Variants in KCNQ5 observed in about 807,000 individuals in gnomAD.
KCNQ5 encodes potassium voltage-gated channel subfamily Q member 5.
In KCNQ5, 30 loss-of-function variants were observed where a neutral mutation model predicts 98.2. The ratio of observed to expected loss-of-function variants is 0.31; its 90% CI spans 0.23 to 0.41. The LOEUF is 0.41. Among genes scored for constraint, KCNQ5 ranks in the 10% least tolerant of loss-of-function variants. KCNQ5 has a pLI of 1.00. For missense variants in KCNQ5, 835 were observed against 1,182.5 expected (o/e 0.71, Z 4.31); for synonymous variants, 458 against 449.4 (o/e 1.02, Z -0.24).
chr6:73,035,923 A>T (rs1771393875), intron 2 of KCNQ5, among the ~76,000 whole-genome samples: 1 of 152,048 alleles, frequency 6.6e-6, no homozygotes, highest in South Asian at 2.1e-4. Context: ...CACAACCAGG[A>T]TAATAATATT....
At chr6:72,986,584 C>A in intron 1 of KCNQ5, 1 of 631,674 alleles carries the variant, frequency 1.6e-6, no homozygotes. Context: ...GTGTCAGCAC[C>A]CTTTGTGAGG....
chr6:73,035,274 A>T (rs1474521144), intron 2 of KCNQ5, among the ~76,000 whole-genome samples: 1 of 152,212 alleles, frequency 6.6e-6, no homozygotes. Flanking sequence ...AGTGATAAAA[A>T]TAATACACAT....
chr6:72,728,416 C>T (rs1167539596), intron 1 of KCNQ5, among the ~76,000 whole-genome samples: 10 of 152,158 alleles, frequency 6.6e-5, no homozygotes, highest in African/African-American at 2.4e-4. Flanking sequence ...TTATCTAATG[C>T]CCCCCAACAC....
intron 1 of KCNQ5, among the ~76,000 whole-genome samples, chr6:72,632,424 A>G (rs1343229721): frequency 2.0e-5 from 3 of 151,858 alleles, no homozygotes; most frequent in Non-Finnish European, 2.9e-5. Flanking sequence ...TACAGGCGTG[A>G]GCCACCGCGC....
chr6:72,658,291 A>T (rs1441220531), intron 1 of KCNQ5, among the ~76,000 whole-genome samples: 2 of 151,318 alleles, frequency 1.3e-5, no homozygotes, highest in African/African-American at 4.9e-5. Context: ...TTTTTTATTT[A>T]TTTTTTTGAG....
chr6:72,858,177 A>G (rs1321080222), intron 1 of KCNQ5, among the ~76,000 whole-genome samples: 5 of 152,166 alleles, frequency 3.3e-5, no homozygotes, highest in African/African-American at 1.2e-4. Context: ...ATGGCATTTA[A>G]CTTTAAAATA....
At chr6:72,696,518 G>A (rs1768511485) in intron 1 of KCNQ5, among the ~76,000 whole-genome samples, 1 of 152,156 alleles carries the variant, frequency 6.6e-6, no homozygotes, top group African/African-American at 2.4e-5. Flanking sequence ...CAAAAAAGAT[G>A]CAGGTTAATA....
intron 1 of KCNQ5, among the ~76,000 whole-genome samples, chr6:72,952,086 G>A (rs1191942072): frequency 6.6e-6 from 1 of 152,184 alleles, no homozygotes; most frequent in African/African-American, 2.4e-5. Context: ...TTGCAAAGTT[G>A]AAGGTAAGAA....
chr6:73,141,603 T>C (rs1007390850), intron 10 of KCNQ5, among the ~76,000 whole-genome samples: 1 of 152,206 alleles, frequency 6.6e-6, no homozygotes, highest in East Asian at 1.9e-4. Context: ...GTGGATAAAA[T>C]AGCTTCCTGC....
intron 1 of KCNQ5, among the ~76,000 whole-genome samples, chr6:72,710,706 A>T (rs1345249352): frequency 6.6e-6 from 1 of 152,206 alleles, no homozygotes; most frequent in African/African-American, 2.4e-5. Flanking sequence ...ACATGAAGAG[A>T]TTTGAAGGGA....
chr6:73,084,238 A>G (rs1407060182), intron 5 of KCNQ5, among the ~76,000 whole-genome samples: 3 of 152,236 alleles, frequency 2.0e-5, no homozygotes, highest in Non-Finnish European at 2.9e-5. Flanking sequence ...AAGTATCTTC[A>G]AAGGAGCAAC....
At chr6:72,769,713 C>T (rs1772759663) in intron 1 of KCNQ5, among the ~76,000 whole-genome samples, 1 of 152,096 alleles carries the variant, frequency 6.6e-6, no homozygotes. Flanking sequence ...AAATGCAATT[C>T]TACACCTTCT....
chr6:72,983,904 T>TGTTAATTTTCCTTCTAACAGTCAGGTC (rs1768606479), intron 1 of KCNQ5, among the ~76,000 whole-genome samples: 1 of 152,214 alleles, frequency 6.6e-6, no homozygotes, highest in Non-Finnish European at 1.5e-5. Flanking sequence ...CCTTTCTGTT[T>TGTTAATTTTCCTTCTAACAGTCAGGTC]GTTAATTTTC....
Position 72,676,414 on chromosome 6 carries a change from A to G in KCNQ5, c.398+53827A>G, listed in dbSNP as rs9442833. 6.7e-3 allele frequency among the ~76,000 whole-genome samples: 1,025 copies of G among 152,340 alleles called. 14 individuals are homozygous for G. The highest frequency in any genetic ancestry group is 0.023 in the African/African-American group (974 of 41,580). On this transcript the variant is annotated intron_variant, in intron 1 of 13. Coordinates refer to ENST00000370398, the MANE Select transcript of KCNQ5 (RefSeq NM_019842.4). ...AACCTCAATTTTACTGAGTCAGAAT[A>G]TGCTCAGGGCTGACACAGGAGGGAG...
chr6:73,153,633 A>G (rs572802981), intron 10 of KCNQ5, among the ~76,000 whole-genome samples: 6 of 152,228 alleles, frequency 3.9e-5, no homozygotes, highest in African/African-American at 1.4e-4. Context: ...TTGAAGACAT[A>G]TGAGGACATT....
At chr6:72,690,554 G>A (rs1454626665) in intron 1 of KCNQ5, among the ~76,000 whole-genome samples, 1 of 151,994 alleles carries the variant, frequency 6.6e-6, no homozygotes, top group Non-Finnish European at 1.5e-5. Context: ...GTAAAACATT[G>A]GTGTTCCCAG....
At chr6:72,875,099 TA>T (rs777965771) in intron 1 of KCNQ5, among the ~76,000 whole-genome samples, 5 of 152,190 alleles carry the variant, frequency 3.3e-5, no homozygotes, top group Non-Finnish European at 7.4e-5. Context: ...TGAAGGCATT[TA>T]AAACCTTGTT....
chr6:73,095,777 T>C (rs1019266325), intron 5 of KCNQ5, among the ~76,000 whole-genome samples: 1 of 152,190 alleles, frequency 6.6e-6, no homozygotes, highest in African/African-American at 2.4e-5. Context: ...GTGAACCATC[T>C]GTGGGTTTCT....
At chr6:73,096,569 A>G (rs1774510248) in intron 5 of KCNQ5, among the ~76,000 whole-genome samples, 2 of 152,208 alleles carry the variant, frequency 1.3e-5, no homozygotes, top group Admixed American at 6.5e-5. Context: ...TCCCTGGCCT[A>G]GCTTTAGCAT....
Sources: gnomAD v4.1 joint callset for allele counts (sites outside exome capture counted in the v4.1 genomes callset) on GRCh38, gnomAD v4.1.1 for gene constraint, MANE v1.5 for transcripts, NCBI Gene and HGNC (gene_info 2026-07-23, HGNC 2026-07-21) for gene names.